The following CCSER2 variants were observed in gnomAD, a reference collection of about 807,000 sequenced individuals.
CCSER2 encodes the protein coiled-coil serine rich protein 2.
In CCSER2, 46 loss-of-function variants were observed where a neutral mutation model predicts 92.3. The ratio of observed to expected loss-of-function variants is 0.50; its 90% CI spans 0.39 to 0.64. The LOEUF (loss-of-function observed/expected upper bound fraction) is 0.64. CCSER2 is among the 30% of genes least tolerant of loss of function. The pLI is 0.00. For missense variants in CCSER2, 1,244 were observed against 1,238.9 expected (o/e 1.00, Z -0.06); for synonymous variants, 433 against 431.4 (o/e 1.00, Z -0.04).
chr10:84,381,403 G>A (rs1323191344), intron 3 of CCSER2, among the ~76,000 whole-genome samples: 3 of 152,136 alleles, frequency 2.0e-5, no homozygotes, highest in South Asian at 2.1e-4. Flanking sequence ...TAGATAACCC[G>A]CTTGAAAGGT....
At chr10:84,461,274 A>G (rs1846084985) in intron 6 of CCSER2, among the ~76,000 whole-genome samples, 1 of 152,162 alleles carries the variant, frequency 6.6e-6, no homozygotes. Context: ...ATATTCAGAG[A>G]GCATATGTTT....
intron 9 of CCSER2, among the ~76,000 whole-genome samples, chr10:84,483,690 C>T (rs994264967): frequency 6.6e-6 from 1 of 151,710 alleles, no homozygotes; most frequent in Non-Finnish European, 1.5e-5. Flanking sequence ...AATAATCTCC[C>T]CCAAATCCAT....
At chr10:84,486,065 A>G (rs1220608589) in intron 9 of CCSER2, among the ~76,000 whole-genome samples, 3 of 152,290 alleles carry the variant, frequency 2.0e-5, no homozygotes, top group Middle Eastern at 6.8e-3. Context: ...CCTACAAAGG[A>G]CATGAACTCA....
intron 1 of CCSER2, among the ~76,000 whole-genome samples, chr10:84,366,259 A>G (rs1324185349): frequency 2.0e-5 from 3 of 152,134 alleles, no homozygotes; most frequent in South Asian, 2.1e-4. Flanking sequence ...ATCCTTTTCA[A>G]CATATTGCCC....
chr10:84,348,873 T>A, intron 1 of CCSER2, among the ~76,000 whole-genome samples: 1 of 152,156 alleles, frequency 6.6e-6, no homozygotes, highest in Non-Finnish European at 1.5e-5. Context: ...TTGCTCTCTT[T>A]CATATATATG....
chr10:84,406,052 C>T (rs994568307), intron 3 of CCSER2, among the ~76,000 whole-genome samples: 2 of 152,146 alleles, frequency 1.3e-5, no homozygotes, highest in African/African-American at 4.8e-5. Context: ...TCGAAATATC[C>T]TTCATTAGTA....
chr10:84,353,910 A>G (rs997712132), intron 1 of CCSER2, among the ~76,000 whole-genome samples: 1 of 146,466 alleles, frequency 6.8e-6, no homozygotes, highest in Non-Finnish European at 1.5e-5. Context: ...AAAACAAAAA[A>G]ACCCAGGCCA....
rs995764036 is a variant in CCSER2, at chr10:84,515,829, G to A, written c.*1562G>A. On this transcript the variant is annotated 3_prime_UTR_variant, in exon 10 of 10. Coordinates refer to ENST00000372088, the MANE Select transcript of CCSER2 (RefSeq NM_001284240.2). ...AAAGACAATATTCTTATTTTAATAC[G>A]CTGTAGAAGGTAGGTGTGGAACCTC... is the stretch of plus-strand genomic sequence containing the variant. 1.2e-4 allele frequency: 18 copies of A among 152,090 alleles called. No homozygotes were observed. The highest frequency in any genetic ancestry group is 4.1e-4 in the African/African-American group (17 of 41,388). The allele number at this position is 152,090 out of a possible 1,614,324, so 9.4% of individuals were successfully genotyped here. A position where few individuals can be genotyped will look rare whatever the true frequency, so the allele number is the denominator to read the frequency against.
intron 3 of CCSER2, among the ~76,000 whole-genome samples, chr10:84,409,540 T>G (rs1371023594): frequency 6.6e-6 from 1 of 152,166 alleles, no homozygotes; most frequent in African/African-American, 2.4e-5. Context: ...TGGTTAATTC[T>G]GTACATGCTG....
intron 1 of CCSER2, among the ~76,000 whole-genome samples, chr10:84,368,281 G>A (rs576924010): frequency 6.6e-6 from 1 of 151,938 alleles, no homozygotes; most frequent in East Asian, 1.9e-4. Flanking sequence ...CAGTCATACT[G>A]TACCATACAG....
At chr10:84,456,840 T>C (rs1481532720) in intron 6 of CCSER2, among the ~76,000 whole-genome samples, 1 of 145,934 alleles carries the variant, frequency 6.9e-6, no homozygotes, top group Non-Finnish European at 1.5e-5. Flanking sequence ...ATTAATGATA[T>C]TGAGCATATT....
intron 8 of CCSER2, among the ~76,000 whole-genome samples, chr10:84,474,693 A>T (rs2133728750): frequency 6.7e-6 from 1 of 150,252 alleles, no homozygotes; most frequent in East Asian, 1.9e-4. Flanking sequence ...AAAAAGTAGT[A>T]CTGACCATAT....
chr10:84,389,131 G>A (rs1227353755), intron 3 of CCSER2: 2 of 205,950 alleles, frequency 9.7e-6, no homozygotes, highest in Non-Finnish European at 2.0e-5. Context: ...GTTGTCAAAT[G>A]ATCCTTTATT....
intron 1 of CCSER2, among the ~76,000 whole-genome samples, chr10:84,362,906 C>T (rs773909042): frequency 2.6e-5 from 4 of 151,798 alleles, no homozygotes; most frequent in Non-Finnish European, 4.4e-5. Flanking sequence ...GCGCAATCTC[C>T]GGTCACTGCA....
intron 9 of CCSER2, among the ~76,000 whole-genome samples, chr10:84,489,160 C>G (rs1030899129): frequency 3.9e-5 from 6 of 152,006 alleles, no homozygotes; most frequent in Admixed American, 1.3e-4. Flanking sequence ...CACTTCAACT[C>G]TGTGGTCAAT....
At chr10:84,405,269 A>G (rs1842320829) in intron 3 of CCSER2, among the ~76,000 whole-genome samples, 1 of 152,170 alleles carries the variant, frequency 6.6e-6, no homozygotes, top group African/African-American at 2.4e-5. Context: ...TCGTTCATAT[A>G]TTAAAAAACA....
rs147804648 is a variant in CCSER2, at chr10:84,372,458, T to A, written c.1406T>A (p.Ile469Lys). ...AFSKTDEWIDISVSDRSECTK... is the reference protein window; with the variant it reads ...AFSKTDEWIDKSVSDRSECTK... ...AGTAAAACTGATGAATGGATAGATATAAGTGTCTCTGGTAAATATTACTTA... is the reference window on the plus strand; with the variant it reads ...AGTAAAACTGATGAATGGATAGATAAAAGTGTCTCTGGTAAATATTACTTA... The change falls in exon 2 of 10, where the codon ATA (isoleucine) becomes AAA (lysine). Residue 469 changes from isoleucine to lysine, a missense_variant. Ile to Lys is a moderately radical substitution (Grantham distance 102). Transcript: ENST00000372088. 10 of 1,548,052 alleles carry A rather than the reference T, an allele frequency of 6.5e-6. No homozygotes were observed. The African/African-American group carries it at 9.7e-5, about 15-fold the overall frequency.
intron 3 of CCSER2, among the ~76,000 whole-genome samples, chr10:84,410,374 TC>T: frequency 6.6e-6 from 1 of 152,308 alleles, no homozygotes; most frequent in East Asian, 1.9e-4. Context: ...AATTTATACT[TC>T]CACCAACAGT....
At chr10:84,392,332 A>G (rs1841571094) in intron 3 of CCSER2, among the ~76,000 whole-genome samples, 1 of 151,390 alleles carries the variant, frequency 6.6e-6, no homozygotes. Flanking sequence ...AAAAAAAAAA[A>G]AAAAAAAAAT....
Sources: allele counts gnomAD v4.1 joint callset (sites outside exome capture counted in the v4.1 genomes callset), GRCh38; gene constraint gnomAD v4.1.1; transcripts MANE v1.5; gene names NCBI Gene and HGNC (gene_info 2026-07-23, HGNC 2026-07-21).